Variants in XKR4 observed in about 807,000 individuals in gnomAD.
The protein encoded by XKR4 is XK-related protein 4.
XKR4 carries 12 observed loss-of-function variants against 53.9 expected under a neutral mutation model. That is an observed-to-expected ratio of 0.22 (90% CI 0.14 to 0.36). XKR4 has a LOEUF of 0.36. Ranked by LOEUF, XKR4 falls within the 10% of genes least tolerant of loss-of-function variation. The pLI is 1.00. For synonymous variants in XKR4, 354 were observed against 362.4 expected (o/e 0.98, Z 0.26); for missense variants, 799 against 859.5 (o/e 0.93, Z 0.88).
chr8:55,263,247 C>T (rs925754172), intron 1 of XKR4, among the ~76,000 whole-genome samples: 3 of 152,224 alleles, frequency 2.0e-5, no homozygotes, highest in African/African-American at 7.2e-5. Context: ...ATGTGGGGAG[C>T]ATTAGTGTCC....
At chr8:55,242,970 G>T (rs1344672461) in intron 1 of XKR4, among the ~76,000 whole-genome samples, 1 of 152,124 alleles carries the variant, frequency 6.6e-6, no homozygotes, top group African/African-American at 2.4e-5. Context: ...TAATACCTGG[G>T]GGTAAAGCAA....
intron 1 of XKR4, among the ~76,000 whole-genome samples, chr8:55,300,850 C>G (rs1050534753): frequency 2.0e-5 from 3 of 151,158 alleles, no homozygotes; most frequent in African/African-American, 7.3e-5. Flanking sequence ...AGCTTTTGGT[C>G]TGGAAAGGAA....
At chr8:55,110,885 T>C (rs529652924) in intron 1 of XKR4, among the ~76,000 whole-genome samples, 1 of 152,304 alleles carries the variant, frequency 6.6e-6, no homozygotes, top group Admixed American at 6.5e-5. Flanking sequence ...CTTATCATCA[T>C]AAAACATCAA....
At position 55,376,681 on chromosome 8, in the gene XKR4, C is replaced by CT. The variant is rs1204474570; in HGVS notation, c.1006+18810dup. Among the ~76,000 whole-genome samples, 11 of 152,010 alleles carry CT rather than the reference C, an allele frequency of 7.2e-5. No homozygotes were observed. In the East Asian group the frequency reaches 2.1e-3, roughly 29 times the overall value. On this transcript the variant is annotated intron_variant, in intron 2 of 2. Transcript: ENST00000327381. ...CAATCCATTAAATGTGAAAACTAATCTTTTTTCTCACAAGCTCATCTGTAT... is the reference window on the plus strand; with the variant it reads ...CAATCCATTAAATGTGAAAACTAATCTTTTTTTCTCACAAGCTCATCTGTAT...
intron 1 of XKR4, among the ~76,000 whole-genome samples, chr8:55,252,167 T>C (rs565351101): frequency 6.6e-6 from 1 of 152,378 alleles, no homozygotes; most frequent in South Asian, 2.1e-4. Context: ...AGATTCAGTG[T>C]GTCCCAATGG....
chr8:55,166,133 A>G (rs1355289854), intron 1 of XKR4, among the ~76,000 whole-genome samples: 2 of 152,230 alleles, frequency 1.3e-5, no homozygotes, highest in South Asian at 4.1e-4. Context: ...GGAAGTAATG[A>G]TACTGGGGTT....
At chr8:55,445,213 A>C (rs546281285) in intron 2 of XKR4, among the ~76,000 whole-genome samples, 6 of 152,142 alleles carry the variant, frequency 3.9e-5, no homozygotes, top group Non-Finnish European at 1.5e-5. Flanking sequence ...GCCCACCACC[A>C]CACCTGGCTA....
intron 1 of XKR4, among the ~76,000 whole-genome samples, chr8:55,129,689 T>C (rs1462971723): frequency 6.6e-6 from 1 of 152,176 alleles, no homozygotes; most frequent in Admixed American, 6.5e-5. Flanking sequence ...GTCTTCAGTT[T>C]ACTTTTTCTT....
At chr8:55,476,702 G>C (rs904802555) in intron 2 of XKR4, among the ~76,000 whole-genome samples, 1 of 152,058 alleles carries the variant, frequency 6.6e-6, no homozygotes, top group Admixed American at 6.5e-5. Flanking sequence ...CTAATACTGC[G>C]CTTTTCCAAC....
In XKR4 at chr8:55,529,456, T is replaced by C. The variant is rs1031890973; in HGVS notation, c.*5229T>C. 2.0e-5 allele frequency: 3 copies of C among 152,188 alleles called. No individual in the cohort carries two copies. The highest frequency in any genetic ancestry group is 2.1e-4 in the South Asian group (1 of 4,832). 9.4% of individuals were successfully genotyped at this position (152,188 alleles called of 1,614,324 possible). A position where few individuals can be genotyped will look rare whatever the true frequency, so the allele number is the denominator to read the frequency against. ...CTTTCTTATGGTTCCATCTCCCACATTGAGAGTAGCTCACCACGATGGATG... is the reference window on the plus strand; with the variant it reads ...CTTTCTTATGGTTCCATCTCCCACACTGAGAGTAGCTCACCACGATGGATG... On this transcript the variant is annotated 3_prime_UTR_variant, in exon 3 of 3. Coordinates refer to ENST00000327381, the MANE Select transcript of XKR4 (RefSeq NM_052898.2).
intron 1 of XKR4, among the ~76,000 whole-genome samples, chr8:55,324,789 G>A (rs1208939744): frequency 1.3e-5 from 2 of 152,212 alleles, no homozygotes; most frequent in Non-Finnish European, 2.9e-5. Context: ...TAGATATTAA[G>A]AGTCAGCACC....
rs368485536 is a variant in XKR4 at position 55,137,702 on chromosome 8, T to A, written c.806+34408T>A. ...CTTCAACCTCTCAAGTAGCTGGGAC[T>A]ACAGGTGCATGCCACCACACCTGGC... On this transcript the variant is annotated intron_variant, in intron 1 of 2. Coordinates refer to ENST00000327381, the MANE Select transcript of XKR4 (RefSeq NM_052898.2). Among the ~76,000 whole-genome samples the A allele has an allele frequency of 6.6e-5, 10 of 151,982 alleles. 1 individual carries two copies. The highest frequency in any genetic ancestry group is 5.8e-4 in the East Asian group (3 of 5,144).
intron 1 of XKR4, among the ~76,000 whole-genome samples, chr8:55,353,468 T>C (rs2129383887): frequency 6.6e-6 from 1 of 152,308 alleles, no homozygotes; most frequent in Non-Finnish European, 1.5e-5. Flanking sequence ...AAGGGTGGCA[T>C]GCAACAGATG....
chr8:55,373,256 T>C (rs1046764362), intron 2 of XKR4, among the ~76,000 whole-genome samples: 1 of 152,142 alleles, frequency 6.6e-6, no homozygotes, highest in African/African-American at 2.4e-5. Context: ...ACCCGCCACC[T>C]CCGGGGTTCA....
intron 1 of XKR4, among the ~76,000 whole-genome samples, chr8:55,352,308 C>A (rs181214088): frequency 6.6e-6 from 1 of 152,116 alleles, no homozygotes; most frequent in South Asian, 2.1e-4. Flanking sequence ...AGCAAAGGCA[C>A]GAGGTGTGGA....
At chr8:55,500,616 GTA>G (rs534102667) in intron 2 of XKR4, among the ~76,000 whole-genome samples, 76 of 152,236 alleles carry the variant, frequency 5.0e-4, no homozygotes, top group African/African-American at 1.8e-3. Context: ...TAGGAAAATT[GTA>G]TGACACCATC....
In XKR4 at chr8:55,258,012, C is replaced by A. The variant is rs557857939; in HGVS notation, c.807-99666C>A. Among the ~76,000 whole-genome samples the A allele has an allele frequency of 1.4e-4, 21 of 152,286 alleles. No individual in the cohort carries two copies. The South Asian group carries it at 4.3e-3, about 32-fold the overall frequency. ...CCGTGGGCTCTGGACTGGATTCCAG[C>A]CCCAGTGCTGAGTCCTGAGCTGGTG... On this transcript the variant is annotated intron_variant, in intron 1 of 2. Transcript: ENST00000327381.
chr8:55,454,421 G>A, intron 2 of XKR4: 1 of 1,250,256 alleles, frequency 8.0e-7, no homozygotes. Flanking sequence ...GCTCCTGCAG[G>A]CATCGGTGAG....
intron 2 of XKR4, among the ~76,000 whole-genome samples, chr8:55,393,402 A>AGAAGGAAGGAAGGAAGGAAGGAAG (rs36208673): frequency 6.9e-6 from 1 of 144,830 alleles, no homozygotes; most frequent in Non-Finnish European, 1.5e-5. Context: ...ATACTTCTTA[A>AGAAGGAAGGAAGGAAGGAAGGAAG]GAAGGAAGGA....
Sources: gnomAD v4.1 joint callset for allele counts (sites outside exome capture counted in the v4.1 genomes callset) on GRCh38, gnomAD v4.1.1 for gene constraint, MANE v1.5 for transcripts, NCBI Gene and HGNC (gene_info 2026-07-23, HGNC 2026-07-21) for gene names.